Variants in TMEM117 observed in about 807,000 individuals in gnomAD.
TMEM117 encodes the protein transmembrane protein 117.
A neutral mutation model predicts 52.4 loss-of-function variants in TMEM117; 27 were observed. The observed-to-expected ratio is 0.51, with a 90% CI of 0.38 to 0.71. The LOEUF is 0.71. Among genes scored for constraint, TMEM117 ranks in the 30% least tolerant of loss-of-function variants. The pLI, the probability that TMEM117 is intolerant of heterozygous loss-of-function variation, is 0.00. For synonymous variants in TMEM117, 215 were observed against 206.3 expected (o/e 1.04, Z -0.36); for missense variants, 556 against 630.5 (o/e 0.88, Z 1.26).
At chr12:44,273,526 C>T (rs1466382467) in intron 5 of TMEM117, among the ~76,000 whole-genome samples, 1 of 151,926 alleles carries the variant, frequency 6.6e-6, no homozygotes, top group Non-Finnish European at 1.5e-5. Flanking sequence ...AAGAAAACTA[C>T]AGGCCAGTAT....
At chr12:43,797,699 A>T in the TMEM117 span, 3 of 1,610,678 alleles carry the variant, frequency 1.9e-6, no homozygotes, top group South Asian at 1.1e-5. Context: ...ATCATTATAC[A>T]TCTCTTACCA....
intron 4 of TMEM117, among the ~76,000 whole-genome samples, chr12:44,206,068 C>T (rs1949561663): frequency 6.6e-6 from 1 of 152,322 alleles, no homozygotes; most frequent in Admixed American, 6.5e-5. Context: ...TATTTATTGA[C>T]AGCAAGCCAA....
chr12:43,802,061 A>C, the TMEM117 span, among the ~76,000 whole-genome samples: 61 of 152,254 alleles, frequency 4.0e-4, no homozygotes, highest in Middle Eastern at 6.8e-3. Context: ...CATTGCCACA[A>C]ATTTTTAAAT....
intron 5 of TMEM117, among the ~76,000 whole-genome samples, chr12:44,255,372 C>T (rs949363081): frequency 1.3e-5 from 2 of 152,032 alleles, no homozygotes; most frequent in East Asian, 1.9e-4. Context: ...CCAAAAAACA[C>T]ATGAAAAAAT....
chr12:44,341,755 G>A (rs1033739921), intron 6 of TMEM117, among the ~76,000 whole-genome samples: 6 of 152,100 alleles, frequency 3.9e-5, no homozygotes, highest in African/African-American at 1.4e-4. Flanking sequence ...AGCTGGGAAA[G>A]GAATAACGGA....
At position 43,861,042 on chromosome 12, in the gene TMEM117, A is replaced by G. The variant is rs117743091; in HGVS notation, c.277+16114A>G. On this transcript the variant is annotated intron_variant, in intron 2 of 7. Transcript: ENST00000266534. Reference sequence around the variant, plus strand: ...CAGTGGGACATAGAAGTGAAGGAAGATGCTTTTTAGGAAGGCTGATTTATT... The same window carrying G: ...CAGTGGGACATAGAAGTGAAGGAAGGTGCTTTTTAGGAAGGCTGATTTATT... Among the ~76,000 whole-genome samples, 1,049 of 152,218 alleles carry G rather than the reference A, an allele frequency of 6.9e-3. 4 individuals are homozygous for G. The highest frequency in any genetic ancestry group is 0.012 in the Non-Finnish European group (829 of 68,014).
Position 44,361,385 on chromosome 12 carries a change from A to T in TMEM117, c.769-15210A>T, listed in dbSNP as rs181456621. On this transcript the variant is annotated intron_variant, in intron 6 of 7. Transcript: ENST00000266534. ...GGAATGTATTCCCCAATGGGTCCAT[A>T]GGGAACTTCTTTCAAGACTCTATTA... Among the ~76,000 whole-genome samples the T allele has an allele frequency of 1.5e-3, 222 of 152,254 alleles. 2 individuals are homozygous for T. In the East Asian group the frequency reaches 0.038, roughly 26 times the overall value.
At chr12:44,173,036 C>CT (rs1185878045) in intron 4 of TMEM117, among the ~76,000 whole-genome samples, 1 of 152,042 alleles carries the variant, frequency 6.6e-6, no homozygotes, top group Non-Finnish European at 1.5e-5. Flanking sequence ...CAAAATCTTT[C>CT]TTTTTTTCAA....
chr12:44,323,091 T>G (rs1951153565), intron 6 of TMEM117, among the ~76,000 whole-genome samples: 1 of 151,900 alleles, frequency 6.6e-6, no homozygotes, highest in Non-Finnish European at 1.5e-5. Flanking sequence ...AAGGTAGGAG[T>G]GAAGGCCATA....
chr12:44,020,145 T>C (rs1946435043), intron 3 of TMEM117, among the ~76,000 whole-genome samples: 1 of 152,220 alleles, frequency 6.6e-6, no homozygotes, highest in South Asian at 2.1e-4. Flanking sequence ...TCAAATTCAA[T>C]GATCAGGTCT....
At chr12:44,219,546 T>G (rs1949761643) in intron 5 of TMEM117, among the ~76,000 whole-genome samples, 1 of 152,172 alleles carries the variant, frequency 6.6e-6, no homozygotes, top group Admixed American at 6.6e-5. Context: ...CTTCACTTAA[T>G]TTCACATATA....
At chr12:44,031,561 C>T (rs1210606152) in intron 3 of TMEM117, among the ~76,000 whole-genome samples, 4 of 152,174 alleles carry the variant, frequency 2.6e-5, no homozygotes, top group African/African-American at 9.6e-5. Flanking sequence ...AATACATAAA[C>T]TAAACTAAAG....
chr12:44,035,129 C>G (rs568371916), intron 3 of TMEM117, among the ~76,000 whole-genome samples: 1 of 152,182 alleles, frequency 6.6e-6, no homozygotes, highest in Non-Finnish European at 1.5e-5. Flanking sequence ...TGTGGGACTT[C>G]TCAGGCTTCA....
intron 5 of TMEM117, among the ~76,000 whole-genome samples, chr12:44,253,835 T>TACACACACACACAC (rs10565033): frequency 1.0e-3 from 143 of 136,326 alleles, no homozygotes; most frequent in African/African-American, 1.4e-3. Flanking sequence ...TGATAATTCC[T>TACACACACACACAC]ACACACACAC....
intron 3 of TMEM117, among the ~76,000 whole-genome samples, chr12:43,953,160 C>T (rs536825965): frequency 1.1e-4 from 17 of 152,094 alleles, no homozygotes; most frequent in Admixed American, 3.9e-4. Context: ...GCACTAAATA[C>T]GGATAGGAAA....
chr12:43,940,315 T>A (rs1565760404), intron 2 of TMEM117, among the ~76,000 whole-genome samples: 2 of 152,150 alleles, frequency 1.3e-5, no homozygotes, highest in Non-Finnish European at 2.9e-5. Flanking sequence ...CTCTTTAGTG[T>A]ATTTCTTTGC....
intron 6 of TMEM117, among the ~76,000 whole-genome samples, chr12:44,325,238 C>T (rs1951180040): frequency 1.3e-5 from 2 of 152,046 alleles, no homozygotes; most frequent in Non-Finnish European, 2.9e-5. Context: ...CTCAGGGGAC[C>T]TGAGATTTAA....
intron 3 of TMEM117, among the ~76,000 whole-genome samples, chr12:43,997,193 C>G (rs148920808): frequency 4.8e-4 from 73 of 152,290 alleles, no homozygotes; most frequent in African/African-American, 1.7e-3. Context: ...ATATTTGACT[C>G]CAAAACCTGC....
chr12:43,824,038 T>A, the TMEM117 span, among the ~76,000 whole-genome samples: 2 of 152,220 alleles, frequency 1.3e-5, no homozygotes, highest in African/African-American at 4.8e-5. Context: ...ATTGATATTT[T>A]AAAAAATAAT....
Sources: gnomAD v4.1 joint callset for allele counts (sites outside exome capture counted in the v4.1 genomes callset) on GRCh38, gnomAD v4.1.1 for gene constraint, MANE v1.5 for transcripts, NCBI Gene and HGNC (gene_info 2026-07-23, HGNC 2026-07-21) for gene names.